The following CKM variants were observed in gnomAD, a reference collection of about 807,000 sequenced individuals.
CKM encodes creatine kinase M-type.
In CKM, 28 loss-of-function variants were observed where a neutral mutation model predicts 35.4. The observed-to-expected ratio is 0.79, with a 90% CI of 0.59 to 1.08. CKM has a LOEUF of 1.08. Among genes scored for constraint, CKM ranks in the 50% least tolerant of loss-of-function variants. CKM has a pLI of 0.00. For synonymous variants in CKM, 215 were observed against 204.4 expected (o/e 1.05, Z -0.44); for missense variants, 484 against 509.8 (o/e 0.95, Z 0.49).
At chr19:45,311,986 G>A in intron 4 of CKM, 66 bp from the exon 5 acceptor site, 1 of 1,580,632 alleles carries the variant, frequency 6.3e-7, no homozygotes. Flanking sequence ...GGAGGCCCAG[G>A]GTTTCCCCTG....
intron 4 of CKM, among the ~76,000 whole-genome samples, chr19:45,314,753 C>A (rs1971141220): frequency 6.6e-6 from 1 of 152,000 alleles, no homozygotes; most frequent in African/African-American, 2.4e-5. Flanking sequence ...ACTCTGTCAC[C>A]CTGGCTGGAG....
rs558554083 is a variant in CKM at position 45,319,244 on chromosome 19, G to A, written c.193+277C>T. On this transcript the variant is annotated intron_variant, in intron 2 of 7. Coordinates refer to ENST00000221476, the MANE Select transcript of CKM (RefSeq NM_001824.5). ...TGACTTGTGTTTTCACAACGTGGGC[G>A]CCCATTTTTCAGATGAGGAGACTGA... 5.3e-5 allele frequency among the ~76,000 whole-genome samples: 8 copies of A among 152,296 alleles called. 1 individual carries two copies. In the South Asian group the frequency reaches 1.7e-3, roughly 32 times the overall value.
chr19:45,319,416 G>A, intron 2 of CKM, 105 bp downstream of exon 2: 1 of 872,222 alleles, frequency 1.1e-6, no homozygotes, highest in South Asian at 1.4e-5. Context: ...TTACAGATGA[G>A]AAAACTGAGG....
Position 45,307,006 on chromosome 19 carries a change from C to G in CKM, c.968-78G>C, listed in dbSNP as rs1472376614. ...TGGGACGTGGCCCCCGTGCCAAATG[C>G]AACAGCCGCATGTAGTGAGTGCCTA... On this transcript the variant is annotated intron_variant, in intron 7 of 7. Transcript: ENST00000221476. 7.0e-6 allele frequency: 10 copies of G among 1,434,694 alleles called. No individual in the cohort carries two copies. The African/African-American group carries it at 1.3e-4, about 18-fold the overall frequency. The allele number at this position is 1,434,694 out of a possible 1,614,324, so 88.9% of individuals were successfully genotyped here.
At chr19:45,320,105 G>GA (rs1454722619) in intron 1 of CKM, among the ~76,000 whole-genome samples, 1 of 148,782 alleles carries the variant, frequency 6.7e-6, no homozygotes, top group Non-Finnish European at 1.5e-5. Context: ...TCTTTTTTTT[G>GA]AGATGGAGTC....
chr19:45,307,641 TCTC>T lies in CKM; in HGVS notation c.784_786del (p.Glu262del), dbSNP rs1451361720. 2 of 1,613,582 alleles carry T rather than the reference TCTC, an allele frequency of 1.2e-6. No homozygotes were observed. The highest frequency in any genetic ancestry group is 4.5e-5 in the East Asian group (2 of 44,856). The stretch of plus-strand genomic sequence containing the variant: ...AAGGGGTGGCCAGCTTTCTTAAAGA[TCTC>T]CTCAATCTGAGGTTCAGAGAGAGGA... On this transcript the variant is annotated inframe_deletion, in exon 7 of 8. Coordinates refer to ENST00000221476, the MANE Select transcript of CKM (RefSeq NM_001824.5).
intron 3 of CKM, among the ~76,000 whole-genome samples, chr19:45,316,190 C>T (rs966034505): frequency 7.3e-5 from 11 of 151,644 alleles, no homozygotes; most frequent in East Asian, 3.9e-4. Context: ...ATTAGCTGGG[C>T]GTGGTGGTGC....
intron 3 of CKM, among the ~76,000 whole-genome samples, chr19:45,316,329 C>CAA (rs57770481): frequency 0.01 from 1,263 of 120,984 alleles, 26 homozygotes; most frequent in African/African-American, 0.032. Flanking sequence ...GATTCTGTCT[C>CAA]AAAAAAAAAA....
chr19:45,310,003 A>G (rs1044937228), intron 5 of CKM, among the ~76,000 whole-genome samples: 3 of 152,094 alleles, frequency 2.0e-5, no homozygotes, highest in Admixed American at 6.6e-5. Context: ...TAAATCTTTG[A>G]CTATCTGAAT....
intron 1 of CKM, among the ~76,000 whole-genome samples, chr19:45,321,947 GT>G (rs1466366605): frequency 1.3e-5 from 2 of 152,172 alleles, no homozygotes; most frequent in East Asian, 3.9e-4. Context: ...GGGTGCTGCT[GT>G]CCAGGGTGGT....
chr19:45,306,516 G>C lies in CKM; in HGVS notation c.*234C>G. The C allele has an allele frequency of 1.7e-6, 1 of 573,126 alleles. No homozygotes were observed. Among genetic ancestry groups the C allele is most frequent in the South Asian group, 2.1e-5 (1 of 48,766 alleles). 35.5% of individuals were successfully genotyped at this position (573,126 alleles called of 1,614,324 possible). A position where few individuals can be genotyped will look rare whatever the true frequency, so the allele number is the denominator to read the frequency against. ...AACTAGAGCTCCTGGTTGGGGTGGAGCTCTGGGAAAAGAAGAGGACCCTGC... is the reference window on the plus strand; with the variant it reads ...AACTAGAGCTCCTGGTTGGGGTGGACCTCTGGGAAAAGAAGAGGACCCTGC... On this transcript the variant is annotated 3_prime_UTR_variant, in exon 8 of 8. Coordinates refer to ENST00000221476, the MANE Select transcript of CKM (RefSeq NM_001824.5). This position sits in a 1 kb window ranked among gnomAD's most constrained non-coding sequence, Gnocchi z 4.5.
intron 5 of CKM, among the ~76,000 whole-genome samples, chr19:45,309,815 A>G (rs1274006782): frequency 6.6e-6 from 1 of 152,002 alleles, no homozygotes; most frequent in Non-Finnish European, 1.5e-5. Flanking sequence ...GTGAGTCGAG[A>G]TCAACCCACT....
At chr19:45,314,599 A>G (rs1331920084) in intron 4 of CKM, among the ~76,000 whole-genome samples, 1 of 151,906 alleles carries the variant, frequency 6.6e-6, no homozygotes, top group Non-Finnish European at 1.5e-5. Flanking sequence ...TTTTTAGTAG[A>G]GATGGGGTTT....
At chr19:45,314,570 G>T (rs1971139793) in intron 4 of CKM, among the ~76,000 whole-genome samples, 1 of 148,944 alleles carries the variant, frequency 6.7e-6, no homozygotes. Flanking sequence ...TGTGCCACCA[G>T]ACCCAGCTGA....
chr19:45,310,780 T>A (rs943012336), intron 5 of CKM, among the ~76,000 whole-genome samples: 1 of 132,628 alleles, frequency 7.5e-6, no homozygotes, highest in African/African-American at 2.9e-5. Flanking sequence ...TTTTTTTTTT[T>A]TTTTTTTTTT....
intron 5 of CKM, among the ~76,000 whole-genome samples, chr19:45,309,555 CA>C (rs1157606063): frequency 0.011 from 809 of 74,830 alleles, 5 homozygotes; most frequent in African/African-American, 0.027. Context: ...GACCCTGTCT[CA>C]AAAAAAAAAA....
At chr19:45,319,430 C>T in intron 2 of CKM, 91 bp downstream of exon 2, 2 of 993,090 alleles carry the variant, frequency 2.0e-6, no homozygotes, top group East Asian at 2.5e-5. Context: ...ACTGAGGCCC[C>T]CCCCCCTTCA....
chr19:45,306,945 CA>C lies in CKM; in HGVS notation c.968-18del. 1 of 1,612,926 alleles carries C rather than the reference CA, an allele frequency of 6.2e-7. No individual in the cohort carries two copies. Among genetic ancestry groups the C allele is most frequent in the Non-Finnish European group, 8.5e-7 (1 of 1,179,984 alleles). ...CCACGCCACCTGTGGGAGCAAGGGA[CA>C]GGGGCGTGAAGAGGCAGCGAAGGTG... On this transcript the variant is annotated intron_variant, in intron 7 of 7. Transcript: ENST00000221476. The surrounding 1 kb of genome is among the most constrained non-coding windows in gnomAD (Gnocchi z 4.5).
At chr19:45,315,857 T>TTTTTTTTTTTTC (rs56153945) in intron 3 of CKM, among the ~76,000 whole-genome samples, 4 of 149,648 alleles carry the variant, frequency 2.7e-5, no homozygotes, top group Non-Finnish European at 6.0e-5. Context: ...TCCTTTTTTT[T>TTTTTTTTTTTTC]CTTCGAGACA....
Sources: gnomAD v4.1 joint callset for allele counts (sites outside exome capture counted in the v4.1 genomes callset) on GRCh38, gnomAD v4.1.1 for gene constraint, Gnocchi (gnomAD v3.1) non-coding constraint, MANE v1.5 for transcripts, NCBI Gene and HGNC (gene_info 2026-07-23, HGNC 2026-07-21) for gene names.